Variants in SLMAP observed in about 807,000 individuals in gnomAD.
SLMAP encodes sarcolemmal membrane-associated protein.
SLMAP carries 44 observed loss-of-function variants against 128.8 expected under a neutral mutation model. The observed-to-expected ratio is 0.34, with a 90% CI of 0.27 to 0.44. The LOEUF (loss-of-function observed/expected upper bound fraction) is 0.44, where lower values mean the gene tolerates loss of function less well. Among genes scored for constraint, SLMAP ranks in the 20% least tolerant of loss-of-function variants. The pLI, the probability that SLMAP is intolerant of heterozygous loss-of-function variation, is 1.00. For synonymous variants in SLMAP, 327 were observed against 348.8 expected, an observed-to-expected ratio of 0.94 and a Z score of 0.70; for missense variants, 787 against 985.3, an observed-to-expected ratio of 0.80 and a Z score of 2.69.
chr3:57,912,392 A>G lies in SLMAP; in HGVS notation c.1711A>G (p.Arg571Gly). The G allele has an allele frequency of 8.7e-6, 14 of 1,606,302 alleles. No individual in the cohort carries two copies. The highest frequency in any genetic ancestry group is 1.2e-5 in the Non-Finnish European group (14 of 1,173,226). ...ATATACTTTTGCAGCCCAATTGCAG[A>G]GGTTACACATCGATACTGAGAATCT... ...QIQVLQAQLQRLHIDTENLRE... is the reference protein window; with the variant it reads ...QIQVLQAQLQGLHIDTENLRE... The change falls in exon 20 of 25, where the codon AGG becomes GGG. Residue 571 changes from arginine (R) to glycine (G), a missense_variant. Around this residue, in one of 2 missense-constraint regions of SLMAP, gnomAD observed 715 missense variants for 843.6 expected, o/e 0.85. Transcript: ENST00000671191.
intron 2 of SLMAP, among the ~76,000 whole-genome samples, chr3:57,767,581 A>G (rs547094064): frequency 6.6e-5 from 10 of 152,362 alleles, no homozygotes; most frequent in Admixed American, 2.0e-4. Context: ...AACTATTACA[A>G]TTTCACACAA....
chr3:57,825,877 G>T (rs2092891098), intron 2 of SLMAP, among the ~76,000 whole-genome samples: 1 of 152,042 alleles, frequency 6.6e-6, no homozygotes, highest in Admixed American at 6.6e-5. Context: ...TATTTTAATT[G>T]CCTTTTTCTT....
intron 2 of SLMAP, among the ~76,000 whole-genome samples, chr3:57,783,258 T>G: frequency 6.6e-6 from 1 of 152,086 alleles, no homozygotes; most frequent in Non-Finnish European, 1.5e-5. Context: ...ACCTTAGAGA[T>G]TACTTAAGTG....
intron 2 of SLMAP, among the ~76,000 whole-genome samples, chr3:57,794,510 G>T (rs151301343): frequency 6.6e-6 from 1 of 151,990 alleles, no homozygotes; most frequent in Non-Finnish European, 1.5e-5. Context: ...ACAAAATTGC[G>T]CATCTATTAC....
At chr3:57,804,746 AAAAAAT>A (rs1480390426) in intron 2 of SLMAP, among the ~76,000 whole-genome samples, 1 of 152,182 alleles carries the variant, frequency 6.6e-6, no homozygotes, top group African/African-American at 2.4e-5. Flanking sequence ...CCCTGAATCA[AAAAAAT>A]AAAAATAAAA....
At chr3:57,907,641 A>T (rs2153682498) in intron 17 of SLMAP, among the ~76,000 whole-genome samples, 1 of 152,284 alleles carries the variant, frequency 6.6e-6, no homozygotes, top group Non-Finnish European at 1.5e-5. Flanking sequence ...TAGAATTGTG[A>T]ATATATAATT....
chr3:57,837,253 TG>T (rs904894634), intron 3 of SLMAP, among the ~76,000 whole-genome samples: 11 of 152,250 alleles, frequency 7.2e-5, no homozygotes, highest in African/African-American at 2.7e-4. Flanking sequence ...AACTGTAAGC[TG>T]TGCAACTATA....
chr3:57,769,429 G>A (rs955841247), intron 2 of SLMAP, among the ~76,000 whole-genome samples: 4 of 151,954 alleles, frequency 2.6e-5, no homozygotes, highest in Non-Finnish European at 5.9e-5. Flanking sequence ...TCCTGACCTC[G>A]TGATCCGCCC....
At chr3:57,796,364 A>G (rs1393540138) in intron 2 of SLMAP, among the ~76,000 whole-genome samples, 1 of 151,896 alleles carries the variant, frequency 6.6e-6, no homozygotes, top group Non-Finnish European at 1.5e-5. Context: ...AGAGTGTGGA[A>G]TTAGGATAGT....
intron 6 of SLMAP, among the ~76,000 whole-genome samples, chr3:57,852,176 G>T (rs1006420238): frequency 5.9e-5 from 9 of 152,266 alleles, no homozygotes; most frequent in Non-Finnish European, 1.3e-4. Context: ...CTCCCAAAGT[G>T]CTGGGATTAC....
At position 57,859,280 on chromosome 3, in the gene SLMAP, A is replaced by G. The variant is rs2094936033; in HGVS notation, c.687+1121A>G. Reference sequence around the variant, plus strand: ...GGAGGTTGCAGTGAGCCAAGATCGCACCTCTGAACTCCAGCCTGGGCGACA... The same window carrying G: ...GGAGGTTGCAGTGAGCCAAGATCGCGCCTCTGAACTCCAGCCTGGGCGACA... On this transcript the variant is annotated intron_variant, in intron 8 of 24. Coordinates refer to ENST00000671191, the MANE Select transcript of SLMAP (RefSeq NM_001377540.1). Among the ~76,000 whole-genome samples, 3 of 144,234 alleles carry G rather than the reference A, an allele frequency of 2.1e-5. No individual in the cohort carries two copies. In the Admixed American group the frequency reaches 2.2e-4, roughly 11 times the overall value. 94.6% of individuals were successfully genotyped at this position (144,234 alleles called of 152,430 possible).
At chr3:57,787,144 G>A (rs1361592102) in intron 2 of SLMAP, among the ~76,000 whole-genome samples, 1 of 152,172 alleles carries the variant, frequency 6.6e-6, no homozygotes, top group African/African-American at 2.4e-5. Flanking sequence ...TAAATTGCTT[G>A]TGTCTCCCTT....
intron 17 of SLMAP, among the ~76,000 whole-genome samples, chr3:57,906,674 A>AT (rs1553638373): frequency 2.9e-3 from 194 of 67,448 alleles, no homozygotes; most frequent in African/African-American, 9.2e-3. Flanking sequence ...ATGAAAAAAA[A>AT]ATATATATAT....
At chr3:57,859,408 G>T (rs542398199) in intron 8 of SLMAP, among the ~76,000 whole-genome samples, 1 of 151,460 alleles carries the variant, frequency 6.6e-6, no homozygotes, top group African/African-American at 2.4e-5. Context: ...TTAAAGATTT[G>T]CTTAGCATAG....
At chr3:57,890,139 T>C (rs1321717711) in intron 15 of SLMAP, 39 bp downstream of exon 15, 2 of 1,596,760 alleles carry the variant, frequency 1.3e-6, no homozygotes, top group Admixed American at 1.7e-5. Context: ...GACAGTTCTT[T>C]TGGATAATGA....
intron 14 of SLMAP, among the ~76,000 whole-genome samples, chr3:57,882,646 C>T (rs1236427567): frequency 6.6e-6 from 1 of 152,156 alleles, no homozygotes; most frequent in Admixed American, 6.5e-5. Flanking sequence ...TGGCTGTGTT[C>T]TCATAAAACT....
intron 5 of SLMAP, among the ~76,000 whole-genome samples, chr3:57,848,581 G>C (rs2094376212): frequency 1.5e-5 from 2 of 131,852 alleles, no homozygotes; most frequent in East Asian, 2.1e-4. Context: ...TCCTCTTCCT[G>C]CTCCCTCCTC....
rs200859030 is a variant in SLMAP at position 57,857,834 on chromosome 3, C to T, written c.615+6C>T. ...CTTCAGATACCAGTTGGCAGGTATT[C>T]CAGTTGTTTTATATTTAAGAAACAT... On this transcript the variant is annotated splice_donor_region_variant and intron_variant, in intron 7 of 24. Transcript: ENST00000671191. 1.5e-4 allele frequency: 231 copies of T among 1,569,846 alleles called. No homozygotes were observed. Among genetic ancestry groups the T allele is most frequent in the Middle Eastern group, 3.3e-4 (2 of 5,976 alleles).
At chr3:57,778,123 G>A (rs1362958018) in intron 2 of SLMAP, among the ~76,000 whole-genome samples, 1 of 152,194 alleles carries the variant, frequency 6.6e-6, no homozygotes, top group Non-Finnish European at 1.5e-5. Context: ...ACCTATTTAT[G>A]TTCTGTGGAA....
Sources: allele counts gnomAD v4.1 joint callset (sites outside exome capture counted in the v4.1 genomes callset), GRCh38; gene constraint gnomAD v4.1.1; regional missense constraint gnomAD v4.1.1; transcripts MANE v1.5; gene names NCBI Gene and HGNC (gene_info 2026-07-23, HGNC 2026-07-21).